PPP1CB: variants seen among roughly 807,000 people sequenced by gnomAD.
PPP1CB encodes the protein protein phosphatase 1 catalytic subunit beta.
PPP1CB carries 2 observed loss-of-function variants against 43.7 expected under a neutral mutation model. That is an observed-to-expected ratio of 0.05 (90% CI 0.02 to 0.14). The LOEUF (loss-of-function observed/expected upper bound fraction) is 0.14, where lower values mean the gene tolerates loss of function less well. Among genes scored for constraint, PPP1CB ranks in the 10% least tolerant of loss-of-function variants. The pLI, the probability that PPP1CB is intolerant of heterozygous loss-of-function variation, is 1.00. For synonymous variants in PPP1CB, 136 were observed against 135.6 expected (o/e 1.00, Z -0.02); for missense variants, 84 against 398.0 (o/e 0.21, Z 6.71).
rs1667593056 is a variant in PPP1CB, at chr2:28,800,557, C to T, written c.*1254C>T. On this transcript the variant is annotated 3_prime_UTR_variant, in exon 8 of 8. Transcript: ENST00000395366. ...AAGTATAGTAGCAATAATTTCTGTA[C>T]CTGATCAAGTTTATTGCAGCCTTTC... 6.6e-6 allele frequency: 1 copy of T among 152,296 alleles called. No individual in the cohort carries two copies. Among genetic ancestry groups the T allele is most frequent in the Non-Finnish European group, 1.5e-5 (1 of 67,900 alleles). 9.4% of individuals were successfully genotyped at this position (152,296 alleles called of 1,614,324 possible). A position where few individuals can be genotyped will look rare whatever the true frequency, so the allele number is the denominator to read the frequency against.
At chr2:28,777,695 C>T (rs1048664291) in intron 2 of PPP1CB, among the ~76,000 whole-genome samples, 8 of 152,114 alleles carry the variant, frequency 5.3e-5, no homozygotes, top group East Asian at 1.9e-4. Context: ...TCTTGTTGCC[C>T]AGGCTGGAGT....
chr2:28,784,812 CAA>C (rs945263613), intron 5 of PPP1CB, among the ~76,000 whole-genome samples: 1 of 147,898 alleles, frequency 6.8e-6, no homozygotes, highest in Non-Finnish European at 1.5e-5. Context: ...CCTAGCTACT[CAA>C]GAGGCTGAGG....
At chr2:28,791,011 C>T (rs1667373621) in intron 6 of PPP1CB, among the ~76,000 whole-genome samples, 1 of 152,178 alleles carries the variant, frequency 6.6e-6, no homozygotes, top group African/African-American at 2.4e-5. Flanking sequence ...GTTTTTGAAT[C>T]TCTGTTGCTT....
intron 1 of PPP1CB, among the ~76,000 whole-genome samples, chr2:28,774,931 A>G (rs578257887): frequency 1.2e-4 from 19 of 152,196 alleles, no homozygotes; most frequent in African/African-American, 4.1e-4. Context: ...ATAAACTAGC[A>G]TATTTGCTAA....
chr2:28,753,948 G>T (rs187851196), intron 1 of PPP1CB, among the ~76,000 whole-genome samples: 1 of 152,118 alleles, frequency 6.6e-6, no homozygotes, highest in African/African-American at 2.4e-5. Flanking sequence ...ATCTTGGCCT[G>T]GCTGGTCTTG....
intron 1 of PPP1CB, among the ~76,000 whole-genome samples, chr2:28,772,531 A>C (rs556113888): frequency 1.3e-5 from 2 of 152,336 alleles, no homozygotes; most frequent in Non-Finnish European, 2.9e-5. Flanking sequence ...GAGCAGTTCT[A>C]CTGCTTTGTT....
Position 28,800,226 on chromosome 2 carries a change from C to CTTTTTTTTTTTTTTTTTTTTTTTTTTTTT in PPP1CB, c.*946_*947insTTTTTTTTTTTTTTTTTTTTTTTTTTTTT, listed in dbSNP as rs55736905. On this transcript the variant is annotated 3_prime_UTR_variant, in exon 8 of 8. Coordinates refer to ENST00000395366, the MANE Select transcript of PPP1CB (RefSeq NM_002709.3). ...TTGGTTTTCTTTTTCTTTTTTCTTT[C>CTTTTTTTTTTTTTTTTTTTTTTTTTTTTT]TTTTTTTTTTTTTTTTTTTTTTTGA... The CTTTTTTTTTTTTTTTTTTTTTTTTTTTTT allele has an allele frequency of 7.6e-5, 5 of 65,612 alleles. No homozygotes were observed. Among genetic ancestry groups the CTTTTTTTTTTTTTTTTTTTTTTTTTTTTT allele is most frequent in the South Asian group, 1.2e-3 (2 of 1,604 alleles). The allele number at this position is 65,612 out of a possible 1,614,324, so 4.1% of individuals were successfully genotyped here.
chr2:28,786,401 A>T (rs1667266805), intron 5 of PPP1CB, among the ~76,000 whole-genome samples: 2 of 152,158 alleles, frequency 1.3e-5, no homozygotes, highest in Non-Finnish European at 2.9e-5. Context: ...GGCGTGAGCC[A>T]CCATACCTGG....
At chr2:28,769,712 A>C (rs1666861072) in intron 1 of PPP1CB, among the ~76,000 whole-genome samples, 1 of 152,212 alleles carries the variant, frequency 6.6e-6, no homozygotes, top group South Asian at 2.1e-4. Context: ...AAACAAAAAT[A>C]CGACAACTGT....
Position 28,794,002 on chromosome 2 carries a change from G to T in PPP1CB, c.879+5G>T. 1 of 1,602,684 alleles carries T rather than the reference G, an allele frequency of 6.2e-7. No individual in the cohort carries two copies. The highest frequency in any genetic ancestry group is 1.7e-4 in the Middle Eastern group (1 of 6,014). On this transcript the variant is annotated splice_donor_5th_base_variant and intron_variant, in intron 7 of 7. Transcript: ENST00000395366. Reference sequence around the variant, plus strand: ...ACTTTGATGTGTTCATTTCAGGTATGATGTAAACATAAATATATAAGAACT... The same window carrying T: ...ACTTTGATGTGTTCATTTCAGGTATTATGTAAACATAAATATATAAGAACT...
chr2:28,767,567 A>G (rs1666806488), intron 1 of PPP1CB, among the ~76,000 whole-genome samples: 1 of 152,208 alleles, frequency 6.6e-6, no homozygotes, highest in South Asian at 2.1e-4. Context: ...CCAGGTTGTA[A>G]CTGCATCTGT....
chr2:28,784,297 GTTAAA>G (rs1261012648), intron 5 of PPP1CB, among the ~76,000 whole-genome samples: 2 of 152,234 alleles, frequency 1.3e-5, no homozygotes, highest in East Asian at 3.9e-4. Context: ...TCAAAAATTT[GTTAAA>G]TTAGACAAAA....
chr2:28,782,019 A>G (rs1667165465), intron 4 of PPP1CB, 177 bp downstream of exon 4: 1 of 646,896 alleles, frequency 1.5e-6, no homozygotes, highest in Non-Finnish European at 2.7e-6. Context: ...TTTATAAATG[A>G]AAACGTAATG....
rs1056000722 is a variant in PPP1CB at position 28,802,218 on chromosome 2, A to G, written c.*2915A>G. ...TGTCTCAAGAATATAAAGATGTATT[A>G]TTTTAAGCCAAGGAGCTGAAATATA... On this transcript the variant is annotated 3_prime_UTR_variant, in exon 8 of 8. Transcript: ENST00000395366. 4.6e-5 allele frequency: 7 copies of G among 152,236 alleles called. No individual in the cohort carries two copies. The highest frequency in any genetic ancestry group is 1.7e-4 in the African/African-American group (7 of 41,468). 9.4% of individuals were successfully genotyped at this position (152,236 alleles called of 1,614,324 possible). A position where few individuals can be genotyped will look rare whatever the true frequency, so the allele number is the denominator to read the frequency against.
chr2:28,770,380 AAGG>A (rs70956038), intron 1 of PPP1CB, among the ~76,000 whole-genome samples: 3,060 of 16,322 alleles, frequency 0.19, 14 homozygotes, highest in Non-Finnish European at 0.27. Context: ...AAGTAAAAAA[AAGG>A]GGGGGGGGAG....
chr2:28,767,011 G>A (rs1002581396), intron 1 of PPP1CB, among the ~76,000 whole-genome samples: 2 of 150,978 alleles, frequency 1.3e-5, no homozygotes, highest in African/African-American at 4.9e-5. Flanking sequence ...AACCAGGGAG[G>A]CAGAGCTTGC....
In PPP1CB at chr2:28,752,259, A is replaced by G. The variant is rs2148449705; in HGVS notation, c.52+83A>G. The G allele has an allele frequency of 2.3e-6, 3 of 1,278,772 alleles. 1 individual carries two copies. The highest frequency in any genetic ancestry group is 2.8e-5 in the South Asian group (2 of 70,868). 79.2% of individuals were successfully genotyped at this position (1,278,772 alleles called of 1,614,324 possible). ...CGTCCCCGTCTGCCGCCGGAACGCG[A>G]GGGGACCCCTTTCCCGCCCCGAGAC... is the stretch of plus-strand genomic sequence containing the variant. On this transcript the variant is annotated intron_variant, in intron 1 of 7. Transcript: ENST00000395366.
intron 5 of PPP1CB, among the ~76,000 whole-genome samples, chr2:28,784,625 C>T (rs1417357237): frequency 6.6e-6 from 1 of 151,932 alleles, no homozygotes. Flanking sequence ...CATTGGAAAT[C>T]TCTGGGAAGG....
intron 5 of PPP1CB, among the ~76,000 whole-genome samples, chr2:28,785,561 C>T (rs185034571): frequency 6.6e-6 from 1 of 151,584 alleles, no homozygotes; most frequent in East Asian, 1.9e-4. Context: ...CTTGTAATTC[C>T]AACAGTTTGG....
Sources: allele counts gnomAD v4.1 joint callset (sites outside exome capture counted in the v4.1 genomes callset), GRCh38; gene constraint gnomAD v4.1.1; transcripts MANE v1.5; gene names NCBI Gene and HGNC (gene_info 2026-07-23, HGNC 2026-07-21).